The following RASAL2 variants were observed in gnomAD, a reference collection of about 807,000 sequenced individuals.
The protein encoded by RASAL2 is ras GTPase-activating protein nGAP.
Under a neutral mutation model 128.9 loss-of-function variants are expected in RASAL2, and 58 were observed. The observed-to-expected ratio is 0.45, with a 90% CI of 0.36 to 0.56. RASAL2 has a LOEUF of 0.56. RASAL2 is among the 20% of genes least tolerant of loss of function. The pLI, the probability that RASAL2 is intolerant of heterozygous loss-of-function variation, is 0.00. For synonymous variants in RASAL2, 561 were observed against 580.8 expected (o/e 0.97, Z 0.49); for missense variants, 1,360 against 1,601.6 (o/e 0.85, Z 2.57).
rs115223427 is a variant in RASAL2 at position 178,200,431 on chromosome 1, A to G, written c.203-83133A>G. On this transcript the variant is annotated intron_variant, in intron 1 of 17. Coordinates refer to ENST00000367649, the MANE Select transcript of RASAL2 (RefSeq NM_170692.4). ...AACTTTATACATAATACCTTTGACC[A>G]TATATGGAGAACCAAAAAACATAAT... Among the ~76,000 whole-genome samples, 514 of 152,362 alleles carry G rather than the reference A, an allele frequency of 3.4e-3. 9 individuals are homozygous for G. The highest frequency in any genetic ancestry group is 0.031 in the East Asian group (163 of 5,192).
At chr1:178,365,587 T>G (rs1671356414) in intron 3 of RASAL2, among the ~76,000 whole-genome samples, 1 of 152,184 alleles carries the variant, frequency 6.6e-6, no homozygotes, top group Non-Finnish European at 1.5e-5. Context: ...TTCTCCTGCC[T>G]CAGCCTCCCA....
At chr1:178,152,522 A>C (rs1371757704) in intron 1 of RASAL2, among the ~76,000 whole-genome samples, 1 of 152,058 alleles carries the variant, frequency 6.6e-6, no homozygotes, top group East Asian at 1.9e-4. Flanking sequence ...GGAATTAGCC[A>C]AGCGTGGTGG....
intron 4 of RASAL2, among the ~76,000 whole-genome samples, chr1:178,393,665 T>C (rs1304557145): frequency 6.6e-6 from 1 of 152,198 alleles, no homozygotes; most frequent in Non-Finnish European, 1.5e-5. Flanking sequence ...CTTCTTTCGC[T>C]CTCATTCCAT....
chr1:178,238,715 T>G (rs1286432261), intron 1 of RASAL2, among the ~76,000 whole-genome samples: 3 of 152,096 alleles, frequency 2.0e-5, no homozygotes, highest in Non-Finnish European at 4.4e-5. Flanking sequence ...TAGTTAGTAA[T>G]TTCCCACACC....
At chr1:178,468,007 A>C (rs1647911420) in intron 17 of RASAL2, among the ~76,000 whole-genome samples, 1 of 152,200 alleles carries the variant, frequency 6.6e-6, no homozygotes, top group Non-Finnish European at 1.5e-5. Context: ...AAAAAAAGAA[A>C]AGGTTGTTGA....
At chr1:178,332,219 G>A (rs562399932) in intron 3 of RASAL2, among the ~76,000 whole-genome samples, 5 of 151,924 alleles carry the variant, frequency 3.3e-5, no homozygotes, top group Non-Finnish European at 5.9e-5. Flanking sequence ...CTATGTTCTC[G>A]GCCGGGCACA....
intron 1 of RASAL2, among the ~76,000 whole-genome samples, chr1:178,216,676 G>A (rs1051410258): frequency 6.6e-6 from 1 of 152,150 alleles, no homozygotes; most frequent in Non-Finnish European, 1.5e-5. Flanking sequence ...GTTTCACTCT[G>A]TTGCTCAGGC....
At chr1:178,243,694 T>C (rs1301938554) in intron 1 of RASAL2, among the ~76,000 whole-genome samples, 1 of 152,126 alleles carries the variant, frequency 6.6e-6, no homozygotes, top group Admixed American at 6.5e-5. Flanking sequence ...TGCCTTCTTT[T>C]AATGGATTGG....
intron 15 of RASAL2, among the ~76,000 whole-genome samples, 166 bp from the exon 16 acceptor site, chr1:178,465,754 A>G (rs1199999798): frequency 1.3e-5 from 2 of 152,102 alleles, no homozygotes; most frequent in African/African-American, 2.4e-5. Context: ...AGTATAGGGA[A>G]TGACAGCACA....
chr1:178,436,668 A>G (rs1284191145), intron 5 of RASAL2, among the ~76,000 whole-genome samples: 1 of 152,140 alleles, frequency 6.6e-6, no homozygotes, highest in African/African-American at 2.4e-5. Flanking sequence ...TAGTAGGGGC[A>G]TGGGAATTGT....
intron 3 of RASAL2, among the ~76,000 whole-genome samples, chr1:178,318,758 C>T (rs1325311879): frequency 6.6e-6 from 1 of 152,072 alleles, no homozygotes; most frequent in Non-Finnish European, 1.5e-5. Flanking sequence ...ATTTGCCAGT[C>T]TGTGTCTTTT....
intron 1 of RASAL2, among the ~76,000 whole-genome samples, chr1:178,135,047 C>T (rs1466881681): frequency 1.3e-5 from 2 of 152,188 alleles, no homozygotes; most frequent in Admixed American, 1.3e-4. Context: ...CATGATAGTG[C>T]TCTTGCTCAT....
chr1:178,341,260 A>G (rs926368828), intron 3 of RASAL2, among the ~76,000 whole-genome samples: 1 of 152,220 alleles, frequency 6.6e-6, no homozygotes, highest in African/African-American at 2.4e-5. Flanking sequence ...AGAAAAAATG[A>G]AATACTTAGC....
chr1:178,330,947 C>G (rs769380698), intron 3 of RASAL2, among the ~76,000 whole-genome samples: 3 of 152,142 alleles, frequency 2.0e-5, no homozygotes, highest in Non-Finnish European at 4.4e-5. Context: ...GTTCTAAGCA[C>G]TTTGCAAATA....
At chr1:178,429,331 A>G (rs984422923) in intron 5 of RASAL2, among the ~76,000 whole-genome samples, 2 of 152,088 alleles carry the variant, frequency 1.3e-5, no homozygotes, top group African/African-American at 4.8e-5. Context: ...GATTTCCCAG[A>G]TGGAATCAAA....
chr1:178,382,454 C>T lies in RASAL2; in HGVS notation c.458-7646C>T, dbSNP rs149073017. Among the ~76,000 whole-genome samples the T allele has an allele frequency of 3.6e-3, 543 of 152,208 alleles. 4 individuals are homozygous for T. Among genetic ancestry groups the T allele is most frequent in the East Asian group, 0.02 (102 of 5,178 alleles). ...TGAAGAAAACTAGAGTCTCTGTGAT[C>T]ATTCATCTTATTTTTTTTCTCCATT... On this transcript the variant is annotated intron_variant, in intron 3 of 17. Coordinates refer to ENST00000367649, the MANE Select transcript of RASAL2 (RefSeq NM_170692.4).
intron 1 of RASAL2, among the ~76,000 whole-genome samples, chr1:178,130,010 A>G (rs1660043785): frequency 6.6e-6 from 1 of 152,214 alleles, no homozygotes; most frequent in Non-Finnish European, 1.5e-5. Context: ...TGTTAGTATT[A>G]CAGAGTTTCC....
chr1:178,096,065 T>C (rs1451901385), intron 1 of RASAL2, among the ~76,000 whole-genome samples: 2 of 152,248 alleles, frequency 1.3e-5, no homozygotes, highest in African/African-American at 4.8e-5. Context: ...TCACCCAGTT[T>C]GTTCTCAGCA....
intron 8 of RASAL2, among the ~76,000 whole-genome samples, chr1:178,444,234 G>GTAC (rs1434800340): frequency 6.6e-6 from 1 of 151,984 alleles, no homozygotes; most frequent in Non-Finnish European, 1.5e-5. Context: ...ACTGATTTAC[G>GTAC]TACATTTTAG....
Sources: gnomAD v4.1 joint callset for allele counts (sites outside exome capture counted in the v4.1 genomes callset) on GRCh38, gnomAD v4.1.1 for gene constraint, MANE v1.5 for transcripts, NCBI Gene and HGNC (gene_info 2026-07-23, HGNC 2026-07-21) for gene names.